The following TUBGCP3 variants were observed in gnomAD, a reference collection of about 807,000 sequenced individuals.
TUBGCP3 encodes the protein tubulin gamma complex component 3, also known as gamma-tubulin complex component 3.
A neutral mutation model predicts 123.1 loss-of-function variants in TUBGCP3; 50 were observed. The observed-to-expected ratio is 0.41, with a 90% CI of 0.32 to 0.51. The LOEUF (loss-of-function observed/expected upper bound fraction) is 0.51, where lower values mean the gene tolerates loss of function less well. Ranked by LOEUF, TUBGCP3 falls within the 20% of genes least tolerant of loss-of-function variation. The pLI is 0.36. For missense variants in TUBGCP3, 882 were observed against 1,127.0 expected, an observed-to-expected ratio of 0.78 and a Z score of 3.11; for synonymous variants, 405 against 413.9, an observed-to-expected ratio of 0.98 and a Z score of 0.26.
chr13:112,516,229 C>G (rs1876111065), intron 17 of TUBGCP3, among the ~76,000 whole-genome samples: 1 of 152,116 alleles, frequency 6.6e-6, no homozygotes, highest in African/African-American at 2.4e-5. Flanking sequence ...AACTGTTTTC[C>G]TTAAAAATAG....
At chr13:112,553,207 G>A (rs1188088555) in intron 8 of TUBGCP3, among the ~76,000 whole-genome samples, 3 of 140,954 alleles carry the variant, frequency 2.1e-5, no homozygotes, top group Admixed American at 7.1e-5. Context: ...CTTACCCACC[G>A]GCCACGTTCC....
At chr13:112,507,837 C>A (rs1234040615) in intron 17 of TUBGCP3, among the ~76,000 whole-genome samples, 1 of 152,170 alleles carries the variant, frequency 6.6e-6, no homozygotes, top group Non-Finnish European at 1.5e-5. Context: ...AAAGTAGATA[C>A]ACAGTGATTA....
chr13:112,514,929 T>C (rs1225904026), intron 17 of TUBGCP3, among the ~76,000 whole-genome samples: 1 of 152,268 alleles, frequency 6.6e-6, no homozygotes, highest in South Asian at 2.1e-4. Flanking sequence ...CATATGTACA[T>C]GAGGTAATAT....
In TUBGCP3 at chr13:112,485,404, T is replaced by C. The variant is rs1879587058; in HGVS notation, c.*589A>G. On this transcript the variant is annotated 3_prime_UTR_variant, in exon 22 of 22. Transcript: ENST00000261965. The stretch of plus-strand genomic sequence containing the variant: ...AAATTAAATATAAAAATGTAAACTC[T>C]GAAAGGAGAGAAAATAAGAATAAAT... The C allele has an allele frequency of 6.6e-6, 1 of 152,404 alleles. No homozygotes were observed. Among genetic ancestry groups the C allele is most frequent in the Admixed American group, 6.6e-5 (1 of 15,258 alleles). The allele number at this position is 152,404 out of a possible 1,614,324, so 9.4% of individuals were successfully genotyped here.
chr13:112,554,856 A>G (rs765668225), intron 7 of TUBGCP3, 31 bp downstream of exon 7: 5 of 1,481,832 alleles, frequency 3.4e-6, no homozygotes, highest in South Asian at 2.4e-5. Flanking sequence ...TTCTTTCTGA[A>G]TATTTTAACT....
At chr13:112,518,834 A>G in intron 16 of TUBGCP3, 141 bp downstream of exon 16, 1 of 676,422 alleles carries the variant, frequency 1.5e-6, no homozygotes, top group Non-Finnish European at 2.6e-6. Flanking sequence ...TTTTGGCTTA[A>G]GTATTCATTC....
At chr13:112,563,209 G>T (rs1880658942) in intron 3 of TUBGCP3, among the ~76,000 whole-genome samples, 1 of 152,090 alleles carries the variant, frequency 6.6e-6, no homozygotes, top group African/African-American at 2.4e-5. Flanking sequence ...GCAAACATTC[G>T]ACTGCACCTT....
chr13:112,589,353 C>A (rs1451674209), upstream of TUBGCP3, among the ~76,000 whole-genome samples: 3 of 152,212 alleles, frequency 2.0e-5, no homozygotes, highest in African/African-American at 7.2e-5. Flanking sequence ...TGCAAGAACC[C>A]CCCTCACTAA....
intron 16 of TUBGCP3, among the ~76,000 whole-genome samples, chr13:112,517,174 G>A (rs2139050828): frequency 6.6e-6 from 1 of 152,202 alleles, no homozygotes; most frequent in Admixed American, 6.5e-5. Flanking sequence ...GTGCCACCAT[G>A]CCCAGCTAAT....
At chr13:112,581,957 T>C (rs1480949616) in intron 1 of TUBGCP3, among the ~76,000 whole-genome samples, 4 of 152,184 alleles carry the variant, frequency 2.6e-5, no homozygotes, top group Non-Finnish European at 5.9e-5. Flanking sequence ...CAGCCACACC[T>C]GAGTCTCCCT....
At chr13:112,578,189 G>C (rs541496744) in intron 1 of TUBGCP3, among the ~76,000 whole-genome samples, 4 of 151,924 alleles carry the variant, frequency 2.6e-5, no homozygotes, top group African/African-American at 7.2e-5. Context: ...TCCAGGACTC[G>C]TGGCTCTGGA....
intron 10 of TUBGCP3, chr13:112,546,682 G>A (rs1018611071): frequency 6.6e-6 from 1 of 152,388 alleles, no homozygotes; most frequent in African/African-American, 2.4e-5. Context: ...AGTGAAGACA[G>A]TGAAGGACCC....
rs760439889 is a variant in TUBGCP3 at position 112,522,443 on chromosome 13, G to A, written c.1622C>T (p.Thr541Ile). 2 of 1,614,068 alleles carry A rather than the reference G, an allele frequency of 1.2e-6. No homozygotes were observed. Among genetic ancestry groups the A allele is most frequent in the Non-Finnish European group, 8.5e-7 (1 of 1,179,932 alleles). ...GAGAACATCCAACAGGTATTTGCTG[G>A]TCTCAAAATAAGCAGCATCAATCTT... is the stretch of plus-strand genomic sequence containing the variant. Reference protein sequence around the residue: ...QGKIDAAYFETSKYLLDVLNK... With the variant: ...QGKIDAAYFEISKYLLDVLNK... Residue 541 changes from threonine (T) to isoleucine (I), a missense_variant, in exon 14 of 22, where the codon ACC (threonine) becomes ATC (isoleucine). Physicochemically the swap from Thr to Ile is moderately conservative, Grantham distance 89 (BLOSUM62 -1). This residue lies in a region of TUBGCP3 where 713 missense variants were observed against 874.0 expected (regional missense o/e 0.82). Transcript: ENST00000261965.
intron 3 of TUBGCP3, among the ~76,000 whole-genome samples, chr13:112,564,181 G>GA (rs1880767272): frequency 6.6e-6 from 1 of 152,128 alleles, no homozygotes; most frequent in Non-Finnish European, 1.5e-5. Context: ...AAATATTATG[G>GA]AAAAAAGCAT....
chr13:112,553,951 A>G lies in TUBGCP3; in HGVS notation c.966+106T>C. The G allele has an allele frequency of 2.0e-6, 3 of 1,510,806 alleles. 1 individual carries two copies. In the South Asian group the frequency reaches 4.0e-5, roughly 20 times the overall value. The allele number at this position is 1,510,806 out of a possible 1,614,324, so 93.6% of individuals were successfully genotyped here. On this transcript the variant is annotated intron_variant, in intron 8 of 21. Transcript: ENST00000261965. ...GAAAGTTGACTCTCAAAGCTGCTTT[A>G]CTTGGAAAGAGCCTTAGAAGGAGCT... is the stretch of plus-strand genomic sequence containing the variant.
chr13:112,542,924 G>A (rs960237190), intron 11 of TUBGCP3, among the ~76,000 whole-genome samples: 2 of 152,218 alleles, frequency 1.3e-5, no homozygotes, highest in Non-Finnish European at 2.9e-5. Context: ...AAGGTGGGCG[G>A]ATTGCCTGAG....
At chr13:112,498,789 C>T (rs768209122) in intron 20 of TUBGCP3, 144 of 1,546,476 alleles carry the variant, frequency 9.3e-5, no homozygotes, top group Middle Eastern at 1.7e-4. Flanking sequence ...GTAATGAAAA[C>T]GGGCAGGAGA....
chr13:112,487,851 G>A (rs972699250), intron 21 of TUBGCP3, among the ~76,000 whole-genome samples: 2 of 151,992 alleles, frequency 1.3e-5, no homozygotes, highest in Non-Finnish European at 2.9e-5. Flanking sequence ...AAGTATGAGG[G>A]CCGGGCATGG....
At chr13:112,543,142 T>TC (rs1357449311) in intron 11 of TUBGCP3, among the ~76,000 whole-genome samples, 1 of 151,830 alleles carries the variant, frequency 6.6e-6, no homozygotes, top group Admixed American at 6.6e-5. Flanking sequence ...AAAGCGAGAC[T>TC]CCATCTCAAA....
Sources: gnomAD v4.1 joint callset for allele counts (sites outside exome capture counted in the v4.1 genomes callset) on GRCh38, gnomAD v4.1.1 for gene constraint, gnomAD v4.1.1 regional missense constraint, MANE v1.5 for transcripts, NCBI Gene and HGNC (gene_info 2026-07-23, HGNC 2026-07-21) for gene names.